Variants in SF1 observed in about 807,000 individuals in gnomAD.
SF1 encodes the protein splicing factor 1.
A neutral mutation model predicts 62.5 loss-of-function variants in SF1; 7 were observed. The observed-to-expected ratio is 0.11, with a 90% confidence interval of 0.06 to 0.21. The LOEUF is 0.21. Ranked by LOEUF, SF1 falls within the 10% of genes least tolerant of loss-of-function variation. The pLI is 1.00. For synonymous variants in SF1, 394 were observed against 323.6 expected (o/e 1.22, Z -2.33); for missense variants, 578 against 884.0 (o/e 0.65, Z 4.39).
intron 2 of SF1, among the ~76,000 whole-genome samples, chr11:64,774,961 CA>C (rs201621861): frequency 0.19 from 18,888 of 98,818 alleles, 1,351 homozygotes; most frequent in East Asian, 0.39. Flanking sequence ...CTCAGTCTCT[CA>C]AAAAAAAAAA....
intron 3 of SF1, chr11:64,770,622 A>G (rs1938168723): frequency 2.2e-6 from 1 of 452,598 alleles, no homozygotes; most frequent in African/African-American, 2.0e-5. Context: ...TGAGAAAGGA[A>G]AAAAATAAAA....
chr11:64,765,481 T>C lies in SF1; in HGVS notation c.*337A>G. ...ACCAATGGGCGCGGAAAGTCCTCAC[T>C]CTCATGGCTCGGGCCATCGCCGCCG... On this transcript the variant is annotated 3_prime_UTR_variant, in exon 13 of 13. Coordinates refer to ENST00000377390, the MANE Select transcript of SF1 (RefSeq NM_004630.4). 6.2e-7 allele frequency: 1 copy of C among 1,613,184 alleles called. No individual in the cohort carries two copies. Among genetic ancestry groups the C allele is most frequent in the Non-Finnish European group, 8.5e-7 (1 of 1,179,678 alleles).
chr11:64,765,655 T>TC lies in SF1; in HGVS notation c.*162dup. 6.7e-7 allele frequency: 1 copy of TC among 1,485,728 alleles called. No individual in the cohort carries two copies. Among genetic ancestry groups the TC allele is most frequent in the Non-Finnish European group, 8.9e-7 (1 of 1,124,806 alleles). 92.0% of individuals were successfully genotyped at this position (1,485,728 alleles called of 1,614,324 possible). On this transcript the variant is annotated 3_prime_UTR_variant, in exon 13 of 13. Coordinates refer to ENST00000377390, the MANE Select transcript of SF1 (RefSeq NM_004630.4). ...TACCACCTGCCCGTTCCCAAGCGAA[T>TC]CCTCAGTCGCTTGGCCCAGCCCAGT... is the stretch of plus-strand genomic sequence containing the variant.
chr11:64,772,709 C>A lies in SF1; in HGVS notation c.236+721G>T. ...AATAAAATTCCAGTTTAAAAAAGTT[C>A]ATCTCCCCCACACAATTTATTTTTC... On this transcript the variant is annotated intron_variant, in intron 3 of 12. Transcript: ENST00000377390. 4.1e-6 allele frequency: 4 copies of A among 985,332 alleles called. No individual in the cohort carries two copies. The South Asian group carries it at 1.9e-4, about 46-fold the overall frequency. 61.0% of individuals were successfully genotyped at this position (985,332 alleles called of 1,614,324 possible). A position where few individuals can be genotyped will look rare whatever the true frequency, so the allele number is the denominator to read the frequency against.
chr11:64,766,731 T>C, intron 12 of SF1, 169 bp downstream of exon 12: 1 of 504,096 alleles, frequency 2.0e-6, no homozygotes, highest in Non-Finnish European at 3.4e-6. Context: ...AGCTCTCCTC[T>C]TCAAGATGCC....
intron 1 of SF1, chr11:64,777,912 C>G: frequency 1.1e-6 from 1 of 945,082 alleles, no homozygotes; most frequent in Non-Finnish European, 1.3e-6. Context: ...CAGCCGCCGT[C>G]GCCGCCGCCG....
intron 2 of SF1, among the ~76,000 whole-genome samples, chr11:64,775,009 T>C (rs1175065895): frequency 1.3e-5 from 2 of 151,200 alleles, no homozygotes; most frequent in South Asian, 2.1e-4. Context: ...CAAAGCAGTA[T>C]GTACCGTGGG....
At chr11:64,768,662 C>CTA (rs1187616928) in intron 8 of SF1, among the ~76,000 whole-genome samples, 1 of 152,232 alleles carries the variant, frequency 6.6e-6, no homozygotes, top group East Asian at 1.9e-4. Context: ...CTTACATATT[C>CTA]GCCAGCCAGT....
rs1021575652 is a variant in SF1 at position 64,766,353 on chromosome 11, T to C, written c.1583-198A>G. 17 of 589,472 alleles carry C rather than the reference T, an allele frequency of 2.9e-5. No homozygotes were observed. In the Admixed American group the frequency reaches 3.3e-4, roughly 12 times the overall value. 36.5% of individuals were successfully genotyped at this position (589,472 alleles called of 1,614,324 possible). On this transcript the variant is annotated intron_variant, in intron 12 of 12. Transcript: ENST00000377390. The stretch of plus-strand genomic sequence containing the variant: ...ACCCTGGGGTCAGCCTCGAGGTCTC[T>C]GGGCTTAACAGAGTAAGCCCTTTGT...
At chr11:64,775,324 G>A (rs1939018735) in intron 2 of SF1, among the ~76,000 whole-genome samples, 1 of 152,180 alleles carries the variant, frequency 6.6e-6, no homozygotes, top group Admixed American at 6.5e-5. Context: ...TAAAGAATTT[G>A]TGCTCTTCCC....
chr11:64,777,849 G>C (rs1390962258), intron 1 of SF1: 1 of 942,090 alleles, frequency 1.1e-6, no homozygotes, highest in Non-Finnish European at 1.3e-6. Context: ...CGCGCGCCCA[G>C]GGGCGCCTCC....
chr11:64,774,978 A>G (rs1396377879), intron 2 of SF1, among the ~76,000 whole-genome samples: 1 of 149,876 alleles, frequency 6.7e-6, no homozygotes, highest in Middle Eastern at 3.4e-3. Context: ...AAAAAAAAAA[A>G]GATATTGAGG....
At chr11:64,766,393 G>A (rs1390706094) in intron 12 of SF1, 1 of 571,220 alleles carries the variant, frequency 1.8e-6, no homozygotes. Flanking sequence ...AATGCCCCTG[G>A]AAGGGCTGAG....
chr11:64,767,422 T>C (rs1237424533), intron 10 of SF1, 149 bp downstream of exon 10: 3 of 1,050,066 alleles, frequency 2.9e-6, no homozygotes, highest in Non-Finnish European at 4.3e-6. Flanking sequence ...GAATGGAGTC[T>C]TGCTCCTTCC....
Position 64,765,892 on chromosome 11 carries a change from T to G in SF1, c.1846A>C (p.Met616Leu). The change falls in exon 13 of 13, where the codon ATG becomes CTG. Residue 616 changes from methionine to leucine, a missense_variant. Coordinates refer to ENST00000377390, the MANE Select transcript of SF1 (RefSeq NM_004630.4). ...GGCATGCCCGCCACCCCCATGCCCA[T>G]CATGGTGACAAAGTTAGAAGGGTCC... ...PMDPSNFVTM[M>L]GMGVAGMPPF... The G allele has an allele frequency of 1.9e-6, 3 of 1,564,508 alleles. No homozygotes were observed. Among genetic ancestry groups the G allele is most frequent in the Non-Finnish European group, 2.6e-6 (3 of 1,155,084 alleles).
Position 64,778,410 on chromosome 11 carries a change from G to A in SF1, c.-18C>T. On this transcript the variant is annotated 5_prime_UTR_variant, in exon 1 of 13. Transcript: ENST00000377390. ...GTCGCCATGGCGCCCCCGGGGACAG[G>A]CACCGGCACCTGCTTTTCCTCTGCG... 1.6e-6 allele frequency: 2 copies of A among 1,226,900 alleles called. No homozygotes were observed. The highest frequency in any genetic ancestry group is 2.0e-6 in the Non-Finnish European group (2 of 983,720). 76.0% of individuals were successfully genotyped at this position (1,226,900 alleles called of 1,614,324 possible). A position where few individuals can be genotyped will look rare whatever the true frequency, so the allele number is the denominator to read the frequency against.
chr11:64,765,973 G>T lies in SF1; in HGVS notation c.1765C>A (p.Pro589Thr). 1 of 1,597,858 alleles carries T rather than the reference G, an allele frequency of 6.3e-7. No homozygotes were observed. The highest frequency in any genetic ancestry group is 8.5e-7 in the Non-Finnish European group (1 of 1,172,354). ...PGAPPPPPPPPPGSAGMMYAP... is the reference protein window; with the variant it reads ...PGAPPPPPPPTPGSAGMMYAP... ...TACATCATGCCGGCGGAACCAGGCGGTGGAGGCGGCGGAGGGGGAGGGGCC... is the reference window on the plus strand; with the variant it reads ...TACATCATGCCGGCGGAACCAGGCGTTGGAGGCGGCGGAGGGGGAGGGGCC... The change falls in exon 13 of 13, where the codon CCG becomes ACG. Residue 589 changes from proline (P) to threonine (T), a missense_variant. By Grantham distance (38) the Pro-to-Thr change is conservative. Around this residue, in one of 7 missense-constraint regions of SF1, gnomAD observed 410 missense variants for 452.4 expected, o/e 0.91. Transcript: ENST00000377390.
chr11:64,777,695 T>C (rs951658037), intron 1 of SF1: 2 of 985,478 alleles, frequency 2.0e-6, no homozygotes, highest in Admixed American at 6.1e-5. Context: ...ACCAGCGGAC[T>C]GGACAGCAAT....
intron 1 of SF1, chr11:64,777,417 T>TAAA: frequency 1.5e-6 from 1 of 664,802 alleles, no homozygotes; most frequent in Non-Finnish European, 1.8e-6. Flanking sequence ...TGAACAGATT[T>TAAA]AAAAAAAAAA....
Sources: allele counts gnomAD v4.1 joint callset (sites outside exome capture counted in the v4.1 genomes callset), GRCh38; gene constraint gnomAD v4.1.1; regional missense constraint gnomAD v4.1.1; transcripts MANE v1.5; gene names NCBI Gene and HGNC (gene_info 2026-07-23, HGNC 2026-07-21).